The following EML5 variants were observed in gnomAD, a reference collection of about 807,000 sequenced individuals.
EML5 encodes the protein echinoderm microtubule-associated protein-like 5.
EML5 carries 120 observed loss-of-function variants against 250.0 expected under a neutral mutation model. The ratio of observed to expected loss-of-function variants is 0.48; its 90% CI spans 0.41 to 0.56. The LOEUF (loss-of-function observed/expected upper bound fraction) is 0.56, where lower values mean the gene tolerates loss of function less well. Among genes scored for constraint, EML5 ranks in the 20% least tolerant of loss-of-function variants. The pLI is 0.00. For synonymous variants in EML5, 771 were observed against 806.5 expected (o/e 0.96, Z 0.75); for missense variants, 2,006 against 2,437.6 (o/e 0.82, Z 3.73).
At chr14:88,628,058 C>A (rs889105205) in intron 33 of EML5, 2 of 525,116 alleles carry the variant, frequency 3.8e-6, no homozygotes, top group Admixed American at 3.1e-5. Flanking sequence ...CCAAATTGCA[C>A]TTTTGGAAAA....
chr14:88,729,152 A>G (rs1338544834), intron 7 of EML5, among the ~76,000 whole-genome samples: 1 of 152,074 alleles, frequency 6.6e-6, no homozygotes, highest in African/African-American at 2.4e-5. Flanking sequence ...GTGTGTGTGT[A>G]CGTGTACATA....
At position 88,613,008 on chromosome 14, in the gene EML5, C is replaced by T. The variant is rs2087031977; in HGVS notation, c.*2810G>A. 1 of 152,160 alleles carries T rather than the reference C, an allele frequency of 6.6e-6. No homozygotes were observed. The highest frequency in any genetic ancestry group is 2.4e-5 in the African/African-American group (1 of 41,304). 9.4% of individuals were successfully genotyped at this position (152,160 alleles called of 1,614,324 possible). On this transcript the variant is annotated 3_prime_UTR_variant, in exon 44 of 44. Coordinates refer to ENST00000554922, the MANE Select transcript of EML5 (RefSeq NM_183387.3). Reference sequence around the variant, plus strand: ...AAAAAAAAAAAAGTTCATTGACTTGCTTAGTCGTATACTCAAATGATGATA... The same window carrying T: ...AAAAAAAAAAAAGTTCATTGACTTGTTTAGTCGTATACTCAAATGATGATA...
chr14:88,645,463 T>C (rs1374230230), intron 29 of EML5, among the ~76,000 whole-genome samples: 1 of 152,260 alleles, frequency 6.6e-6, no homozygotes, highest in African/African-American at 2.4e-5. Context: ...AAAGCCTGGA[T>C]TACTGTTCTA....
At chr14:88,764,838 TTTTA>T (rs1265501677) in intron 1 of EML5, among the ~76,000 whole-genome samples, 1 of 152,204 alleles carries the variant, frequency 6.6e-6, no homozygotes, top group Non-Finnish European at 1.5e-5. Context: ...TGTTACTGAT[TTTTA>T]TTTTGATTCC....
chr14:88,634,578 T>G, intron 32 of EML5, 89 bp from the exon 33 acceptor site: 1 of 734,214 alleles, frequency 1.4e-6, no homozygotes, highest in Non-Finnish European at 2.0e-6. Flanking sequence ...TTTAAACTAT[T>G]ATATACAAAA....
At chr14:88,745,544 C>T (rs749827619) in intron 3 of EML5, among the ~76,000 whole-genome samples, 8 of 151,948 alleles carry the variant, frequency 5.3e-5, no homozygotes, top group African/African-American at 9.7e-5. Context: ...AATAGTAATA[C>T]GTAATTTTAA....
At chr14:88,772,642 A>C (rs2094405492) in intron 1 of EML5, among the ~76,000 whole-genome samples, 1 of 152,062 alleles carries the variant, frequency 6.6e-6, no homozygotes, top group Admixed American at 6.5e-5. Context: ...AATCCCAGCT[A>C]CTGGGGAGGC....
rs369350892 is a variant in EML5 at position 88,616,193 on chromosome 14, C to T, written c.5846G>A (p.Arg1949Gln). 1.9e-5 allele frequency: 31 copies of T among 1,613,742 alleles called. No individual in the cohort carries two copies. Among genetic ancestry groups the T allele is most frequent in the Non-Finnish European group, 2.6e-5 (31 of 1,179,832 alleles). ...AACATGTCGATCACCACTGGTAAAT[C>T]GAATATTTGTCACATGGGGCGAATG... ...LGHSPHVTNIRFTSGDRHVVS... is the reference protein window; with the variant it reads ...LGHSPHVTNIQFTSGDRHVVS... The change falls in exon 43 of 44, where the codon CGA becomes CAA. Residue 1949 changes from arginine (R) to glutamine (Q), a missense_variant. This residue lies in a region of EML5 where 56 missense variants were observed against 55.1 expected (regional missense o/e 1.02). Transcript: ENST00000554922.
chr14:88,726,759 CTTAA>C (rs1353006104), intron 7 of EML5, 81 bp from the exon 8 acceptor site: 43 of 1,012,556 alleles, frequency 4.2e-5, no homozygotes, highest in East Asian at 8.5e-5. Flanking sequence ...ATAATCTCAT[CTTAA>C]TTAAGATAAA....
At chr14:88,717,580 C>T (rs1362401463) in intron 8 of EML5, among the ~76,000 whole-genome samples, 1 of 151,874 alleles carries the variant, frequency 6.6e-6, no homozygotes, top group African/African-American at 2.4e-5. Context: ...ACGGTGAAAC[C>T]CCATCTCTAC....
In EML5 at chr14:88,772,217, C is replaced by T. The variant is rs370299888; in HGVS notation, c.198-17546G>A. 4.5e-4 allele frequency among the ~76,000 whole-genome samples: 69 copies of T among 152,294 alleles called. No homozygotes were observed. In the East Asian group the frequency reaches 7.5e-3, roughly 17 times the overall value. On this transcript the variant is annotated intron_variant, in intron 1 of 43. Transcript: ENST00000554922. Reference sequence around the variant, plus strand: ...CCTGTCCTACTGGCTCTATCATCACCGTCATTTCTGCTACAATCTTAATCT... The same window carrying T: ...CCTGTCCTACTGGCTCTATCATCACTGTCATTTCTGCTACAATCTTAATCT...
intron 14 of EML5, 40 bp downstream of exon 14, chr14:88,702,406 G>A (rs747087051): frequency 6.6e-6 from 10 of 1,506,484 alleles, no homozygotes; most frequent in Non-Finnish European, 9.0e-6. Flanking sequence ...TCAAACAAAG[G>A]TGTAGCTTAT....
chr14:88,671,860 AAT>A (rs1050568818), intron 21 of EML5, among the ~76,000 whole-genome samples: 1 of 152,204 alleles, frequency 6.6e-6, no homozygotes, highest in African/African-American at 2.4e-5. Flanking sequence ...AACTATCCTA[AAT>A]ATACATGCAC....
Position 88,783,682 on chromosome 14 carries a change from T to TAG in EML5, c.197+8623_197+8624dup, listed in dbSNP as rs889551021. On this transcript the variant is annotated intron_variant, in intron 1 of 43. Coordinates refer to ENST00000554922, the MANE Select transcript of EML5 (RefSeq NM_183387.3). ...TATATAAAGCAAGTATTATTAGAGC[T>TAG]AGAGAGAGAGACAGGCCCCAATATA... is the stretch of plus-strand genomic sequence containing the variant. 7.9e-5 allele frequency among the ~76,000 whole-genome samples: 12 copies of TAG among 152,264 alleles called. No homozygotes were observed. The East Asian group carries it at 9.6e-4, about 12-fold the overall frequency.
chr14:88,684,926 T>C (rs1342912973), intron 20 of EML5, 89 bp downstream of exon 20: 3 of 1,188,274 alleles, frequency 2.5e-6, no homozygotes, highest in Non-Finnish European at 3.4e-6. Flanking sequence ...TTTAACATTA[T>C]TTTTCATCAC....
chr14:88,629,776 T>A (rs890773285), intron 33 of EML5, among the ~76,000 whole-genome samples: 3 of 152,158 alleles, frequency 2.0e-5, no homozygotes, highest in Admixed American at 6.5e-5. Context: ...AACTCAGAGC[T>A]GGGAGAGGCA....
intron 1 of EML5, among the ~76,000 whole-genome samples, chr14:88,783,725 CA>C (rs1208872118): frequency 9.9e-5 from 15 of 152,278 alleles, no homozygotes; most frequent in Admixed American, 3.3e-4. Context: ...GAGATTTCAA[CA>C]ACCCATTTGC....
intron 21 of EML5, among the ~76,000 whole-genome samples, chr14:88,677,169 T>C (rs534255063): frequency 3.9e-5 from 6 of 152,182 alleles, no homozygotes; most frequent in African/African-American, 1.4e-4. Context: ...CCTCCCATAG[T>C]GCTAGGATTA....
At chr14:88,627,357 CAATCA>C (rs1446484148) in intron 34 of EML5, 2 of 448,204 alleles carry the variant, frequency 4.5e-6, no homozygotes, top group Non-Finnish European at 3.9e-6. Context: ...TCTCCAAAAC[CAATCA>C]AATCATTAAT....
Sources: allele counts gnomAD v4.1 joint callset (sites outside exome capture counted in the v4.1 genomes callset), GRCh38; gene constraint gnomAD v4.1.1; regional missense constraint gnomAD v4.1.1; transcripts MANE v1.5; gene names NCBI Gene and HGNC (gene_info 2026-07-23, HGNC 2026-07-21).